Variants in PTPRD observed in about 807,000 individuals in gnomAD.
The protein encoded by PTPRD is receptor-type tyrosine-protein phosphatase delta.
A neutral mutation model predicts 214.5 loss-of-function variants in PTPRD; 34 were observed. The ratio of observed to expected loss-of-function variants is 0.16; its 90% CI spans 0.12 to 0.21. The LOEUF (loss-of-function observed/expected upper bound fraction) is 0.21. Among genes scored for constraint, PTPRD ranks in the 10% least tolerant of loss-of-function variants. The pLI is 1.00. For missense variants in PTPRD, 2,545 were observed against 2,398.7 expected (o/e 1.06, Z -1.27); for synonymous variants, 1,128 against 845.7 (o/e 1.33, Z -5.79).
chr9:10,556,459 TTA>T (rs2062620686), intron 2 of PTPRD, among the ~76,000 whole-genome samples: 1 of 152,098 alleles, frequency 6.6e-6, no homozygotes, highest in South Asian at 2.1e-4. Context: ...GGCACATATA[TTA>T]CTAACATTCC....
chr9:10,598,062 C>A (rs185730300), intron 2 of PTPRD, among the ~76,000 whole-genome samples: 2 of 151,906 alleles, frequency 1.3e-5, no homozygotes, highest in East Asian at 3.9e-4. Flanking sequence ...CTGAGATATT[C>A]TTATTGGACA....
At chr9:9,863,035 CTT>C (rs1235004955) in intron 5 of PTPRD, among the ~76,000 whole-genome samples, 1 of 152,050 alleles carries the variant, frequency 6.6e-6, no homozygotes, top group East Asian at 1.9e-4. Flanking sequence ...CTTTGTAGCT[CTT>C]TTTTGAGATT....
chr9:8,408,344 A>C (rs1408829112), intron 35 of PTPRD, among the ~76,000 whole-genome samples: 1 of 152,034 alleles, frequency 6.6e-6, no homozygotes, highest in Admixed American at 6.6e-5. Context: ...TGCTGCTGTT[A>C]GTGTTTGGTT....
intron 11 of PTPRD, among the ~76,000 whole-genome samples, chr9:8,940,280 C>CCTTTATT (rs763715400): frequency 1.1e-5 from 1 of 89,050 alleles, no homozygotes; most frequent in Non-Finnish European, 2.1e-5. Context: ...TCTCTCTCTC[C>CCTTTATT]TTTTTTTTTT....
rs1396855741 is a variant in PTPRD, at chr9:8,633,344, C to T, written c.325G>A (p.Val109Ile). Residue 109 changes from valine to isoleucine, a missense_variant, in exon 14 of 46, where the codon GTA becomes ATA. Val to Ile is a conservative substitution (Grantham distance 29). Transcript: ENST00000381196. ...CGCAAAACTGTGAGTCTGGTGGATA[C>T]ACTTATTTCTCCCACATTATTTGAG... ...VASNNVGEISVSTRLTVLRED... is the reference protein window; with the variant it reads ...VASNNVGEISISTRLTVLRED... The T allele has an allele frequency of 4.3e-6, 7 of 1,612,460 alleles. No homozygotes were observed. The highest frequency in any genetic ancestry group is 5.9e-6 in the Non-Finnish European group (7 of 1,178,990).
intron 5 of PTPRD, among the ~76,000 whole-genome samples, chr9:9,923,261 A>C: frequency 7.0e-6 from 1 of 142,286 alleles, no homozygotes; most frequent in Admixed American, 7.1e-5. Flanking sequence ...TTTTTTTTTC[A>C]AATAAAATAT....
At chr9:9,852,072 G>A (rs2060646971) in intron 5 of PTPRD, among the ~76,000 whole-genome samples, 1 of 151,920 alleles carries the variant, frequency 6.6e-6, no homozygotes, top group Non-Finnish European at 1.5e-5. Flanking sequence ...ATTGAACAGA[G>A]ACCAGACATA....
intron 10 of PTPRD, among the ~76,000 whole-genome samples, chr9:9,086,893 G>A (rs2099767860): frequency 1.3e-5 from 2 of 152,150 alleles, no homozygotes; most frequent in Admixed American, 1.3e-4. Context: ...AGGAATGATA[G>A]TGTGTAGGTA....
intron 2 of PTPRD, among the ~76,000 whole-genome samples, chr9:10,347,863 G>C (rs2097114335): frequency 6.6e-6 from 1 of 152,002 alleles, no homozygotes; most frequent in Non-Finnish European, 1.5e-5. Flanking sequence ...TTTGAGACCA[G>C]CCTGGCCAAC....
chr9:9,610,285 C>A (rs1279798657), intron 7 of PTPRD, among the ~76,000 whole-genome samples: 1 of 152,040 alleles, frequency 6.6e-6, no homozygotes, highest in Admixed American at 6.6e-5. Flanking sequence ...CAAAAAAATG[C>A]CGTATGAAAA....
intron 2 of PTPRD, among the ~76,000 whole-genome samples, chr9:10,441,353 A>T (rs2098757178): frequency 6.6e-6 from 1 of 151,692 alleles, no homozygotes; most frequent in Non-Finnish European, 1.5e-5. Flanking sequence ...CCTATGTATC[A>T]GGCAGTATAG....
At chr9:9,154,966 G>A (rs2099879975) in intron 10 of PTPRD, among the ~76,000 whole-genome samples, 1 of 152,132 alleles carries the variant, frequency 6.6e-6, no homozygotes, top group Non-Finnish European at 1.5e-5. Flanking sequence ...GTGTGCTTGT[G>A]TCTGGTTGCA....
chr9:9,865,831 T>C (rs2063815302), intron 5 of PTPRD, among the ~76,000 whole-genome samples: 1 of 152,208 alleles, frequency 6.6e-6, no homozygotes, highest in African/African-American at 2.4e-5. Flanking sequence ...AAAGATAATT[T>C]AGCTCTTTTC....
At chr9:8,945,713 A>C (rs1421368756) in intron 11 of PTPRD, among the ~76,000 whole-genome samples, 2 of 151,950 alleles carry the variant, frequency 1.3e-5, no homozygotes, top group Admixed American at 1.3e-4. Flanking sequence ...CCACAATTCC[A>C]TCTACACTAG....
At chr9:8,497,813 G>A (rs187167664) in intron 25 of PTPRD, among the ~76,000 whole-genome samples, 1 of 152,086 alleles carries the variant, frequency 6.6e-6, no homozygotes, top group Non-Finnish European at 1.5e-5. Flanking sequence ...AATGCATTTG[G>A]TATTATATAA....
intron 5 of PTPRD, among the ~76,000 whole-genome samples, chr9:9,805,361 C>T (rs941945456): frequency 3.3e-5 from 5 of 152,088 alleles, no homozygotes; most frequent in African/African-American, 1.2e-4. Context: ...AGAGATTGGG[C>T]TGTCAATTAA....
At chr9:9,968,596 G>A (rs1158186668) in intron 4 of PTPRD, among the ~76,000 whole-genome samples, 2 of 152,130 alleles carry the variant, frequency 1.3e-5, no homozygotes, top group Non-Finnish European at 2.9e-5. Context: ...TTTGCCTAAT[G>A]TGGTGTGTTT....
intron 3 of PTPRD, among the ~76,000 whole-genome samples, chr9:10,074,547 T>A (rs1450294561): frequency 6.6e-6 from 1 of 152,130 alleles, no homozygotes; most frequent in Non-Finnish European, 1.5e-5. Context: ...GATGCTCTTT[T>A]CAGAAAAAAA....
chr9:8,976,357 C>G (rs1391160503), intron 11 of PTPRD, among the ~76,000 whole-genome samples: 2 of 151,992 alleles, frequency 1.3e-5, no homozygotes, highest in African/African-American at 4.8e-5. Context: ...TTAATACTTC[C>G]AAATATGACT....
Sources: allele counts gnomAD v4.1 joint callset (sites outside exome capture counted in the v4.1 genomes callset), GRCh38; gene constraint gnomAD v4.1.1; transcripts MANE v1.5; gene names NCBI Gene and HGNC (gene_info 2026-07-23, HGNC 2026-07-21).